NT5DC1: variants seen among roughly 807,000 people sequenced by gnomAD.
NT5DC1 encodes the protein 5'-nucleotidase domain-containing protein 1.
A neutral mutation model predicts 59.4 loss-of-function variants in NT5DC1; 42 were observed. The ratio of observed to expected loss-of-function variants is 0.71; its 90% confidence interval spans 0.55 to 0.92. The LOEUF (loss-of-function observed/expected upper bound fraction) is 0.92. Among genes scored for constraint, NT5DC1 ranks in the 40% least tolerant of loss-of-function variants. The probability of loss-of-function intolerance (pLI) is 0.00; values close to 1 mark genes in which losing one functional copy is unlikely to be tolerated. For synonymous variants in NT5DC1, 172 were observed against 188.1 expected, an observed-to-expected ratio of 0.91 and a Z score of 0.70; for missense variants, 501 against 537.1, an observed-to-expected ratio of 0.93 and a Z score of 0.66.
chr6:116,126,915 A>G (rs950721368), intron 6 of NT5DC1, among the ~76,000 whole-genome samples: 1 of 152,152 alleles, frequency 6.6e-6, no homozygotes, highest in Non-Finnish European at 1.5e-5. Context: ...ACTTTCCCTC[A>G]AAGGTGGAAG....
chr6:116,225,139 A>G (rs969261746), intron 8 of NT5DC1, among the ~76,000 whole-genome samples: 1 of 152,200 alleles, frequency 6.6e-6, no homozygotes, highest in Non-Finnish European at 1.5e-5. Context: ...ACTTGGGGAA[A>G]AATACAGAGG....
intron 6 of NT5DC1, among the ~76,000 whole-genome samples, chr6:116,154,183 T>C (rs1284287977): frequency 6.6e-6 from 1 of 152,158 alleles, no homozygotes; most frequent in Non-Finnish European, 1.5e-5. Context: ...ATTTTACTTT[T>C]GGCTATTTAA....
At chr6:116,155,769 AAAAG>A (rs1238788467) in intron 6 of NT5DC1, among the ~76,000 whole-genome samples, 1 of 151,878 alleles carries the variant, frequency 6.6e-6, no homozygotes, top group Non-Finnish European at 1.5e-5. Context: ...AAAAAAAAAA[AAAAG>A]AGGGAGGAAG....
intron 6 of NT5DC1, among the ~76,000 whole-genome samples, chr6:116,165,707 G>A (rs1221289491): frequency 2.0e-5 from 3 of 152,176 alleles, no homozygotes; most frequent in Admixed American, 6.5e-5. Flanking sequence ...GTCCCAAGGG[G>A]GTTCTTAGTG....
At chr6:116,115,587 C>T (rs1291396691) in intron 4 of NT5DC1, 104 bp from the exon 5 acceptor site, 26 of 517,316 alleles carry the variant, frequency 5.0e-5, no homozygotes. Flanking sequence ...GAGGCTTCTT[C>T]AGATAATTAA....
intron 6 of NT5DC1, among the ~76,000 whole-genome samples, chr6:116,171,744 G>A (rs1780611403): frequency 6.6e-6 from 1 of 152,144 alleles, no homozygotes; most frequent in African/African-American, 2.4e-5. Context: ...TTTCTCCCAT[G>A]GTAAGAACAG....
chr6:116,174,165 A>G (rs556250162), intron 6 of NT5DC1, among the ~76,000 whole-genome samples: 2 of 152,134 alleles, frequency 1.3e-5, no homozygotes, highest in Non-Finnish European at 2.9e-5. Context: ...AACCTTGATT[A>G]CCTGACCAAC....
intron 10 of NT5DC1, 81 bp downstream of exon 10, chr6:116,238,429 CA>C: frequency 1.4e-6 from 1 of 736,822 alleles, no homozygotes; most frequent in East Asian, 3.4e-5. Context: ...TACTTGACTC[CA>C]AAATTGTCCT....
At chr6:116,234,402 A>G (rs1238108631) in intron 8 of NT5DC1, among the ~76,000 whole-genome samples, 1 of 152,096 alleles carries the variant, frequency 6.6e-6, no homozygotes, top group Non-Finnish European at 1.5e-5. Flanking sequence ...GTGTGGTGAC[A>G]TGATCTCGGC....
At chr6:116,222,058 GCCCTT>G (rs1423729561) in intron 7 of NT5DC1, among the ~76,000 whole-genome samples, 1 of 152,152 alleles carries the variant, frequency 6.6e-6, no homozygotes, top group African/African-American at 2.4e-5. Context: ...ACCTTCACCA[GCCCTT>G]TTAGCATCAT....
intron 4 of NT5DC1, among the ~76,000 whole-genome samples, chr6:116,111,200 G>A (rs1199886363): frequency 4.6e-5 from 7 of 152,198 alleles, no homozygotes; most frequent in Non-Finnish European, 1.0e-4. Context: ...ACTTGTTCTG[G>A]TTTAAAGATT....
At chr6:116,189,048 TCA>T in intron 6 of NT5DC1, among the ~76,000 whole-genome samples, 1 of 152,102 alleles carries the variant, frequency 6.6e-6, no homozygotes, top group East Asian at 1.9e-4. Context: ...CCTTGTATAT[TCA>T]CAGTTAAAGT....
Position 116,117,457 on chromosome 6 carries a change from G to A in NT5DC1, c.445-404G>A, listed in dbSNP as rs543700916. ...CTAACTTATGATGGGGTTTTTTCCT[G>A]ATAAACCCATCGTTAAGTCAAAAAT... On this transcript the variant is annotated intron_variant, in intron 5 of 11. Transcript: ENST00000319550. Among the ~76,000 whole-genome samples the A allele has an allele frequency of 7.2e-5, 11 of 152,168 alleles. No individual in the cohort carries two copies. In the South Asian group the frequency reaches 2.1e-3, roughly 29 times the overall value.
chr6:116,209,909 C>T (rs1283298734), intron 6 of NT5DC1, among the ~76,000 whole-genome samples: 2 of 151,924 alleles, frequency 1.3e-5, no homozygotes, highest in Non-Finnish European at 2.9e-5. Flanking sequence ...AGATAATGGT[C>T]ATCAAATAAG....
chr6:116,121,017 C>G (rs199891846), intron 6 of NT5DC1: 1 of 1,613,970 alleles, frequency 6.2e-7, no homozygotes, highest in East Asian at 2.2e-5. Flanking sequence ...GCAGGCCCAG[C>G]TGGCCCTGTC....
At chr6:116,193,854 T>G (rs1781172632) in intron 6 of NT5DC1, among the ~76,000 whole-genome samples, 1 of 151,948 alleles carries the variant, frequency 6.6e-6, no homozygotes, top group African/African-American at 2.4e-5. Flanking sequence ...GCAGATCACT[T>G]GAGCCCAGTT....
At chr6:116,208,098 T>C (rs1196409750) in intron 6 of NT5DC1, among the ~76,000 whole-genome samples, 3 of 151,972 alleles carry the variant, frequency 2.0e-5, no homozygotes, top group East Asian at 3.9e-4. Context: ...AAGACATTGA[T>C]AGTTAATGAC....
At chr6:116,205,519 C>G (rs1281840675) in intron 6 of NT5DC1, among the ~76,000 whole-genome samples, 1 of 151,738 alleles carries the variant, frequency 6.6e-6, no homozygotes, top group Non-Finnish European at 1.5e-5. Context: ...GCCCCACAGT[C>G]TCTACACAGA....
At chr6:116,135,907 C>T (rs1779589409) in intron 6 of NT5DC1, among the ~76,000 whole-genome samples, 1 of 145,342 alleles carries the variant, frequency 6.9e-6, no homozygotes, top group Non-Finnish European at 1.5e-5. Flanking sequence ...ATGGTTACCA[C>T]AATCAAGCTA....
Sources: gnomAD v4.1 joint callset for allele counts (sites outside exome capture counted in the v4.1 genomes callset) on GRCh38, gnomAD v4.1.1 for gene constraint, MANE v1.5 for transcripts, NCBI Gene and HGNC (gene_info 2026-07-23, HGNC 2026-07-21) for gene names.